Variants in NCAPH observed in about 807,000 individuals in gnomAD.
NCAPH encodes non-SMC condensin I complex subunit H.
NCAPH carries 38 observed loss-of-function variants against 85.5 expected under a neutral mutation model. The ratio of observed to expected loss-of-function variants is 0.44; its 90% CI spans 0.34 to 0.58. The LOEUF (loss-of-function observed/expected upper bound fraction) is 0.58, where lower values mean the gene tolerates loss of function less well. Among genes scored for constraint, NCAPH ranks in the 20% least tolerant of loss-of-function variants. The pLI is 0.01. For missense variants in NCAPH, 789 were observed against 916.6 expected (o/e 0.86, Z 1.80); for synonymous variants, 301 against 335.1 (o/e 0.90, Z 1.11).
At position 96,376,999 on chromosome 2, in the gene NCAPH, C is replaced by T. The variant is rs1331230698; in HGVS notation, c.*3648C>T. 6.6e-6 allele frequency among the ~76,000 whole-genome samples: 1 copy of T among 151,940 alleles called. No individual in the cohort carries two copies. On this transcript the variant is annotated 3_prime_UTR_variant, in exon 18 of 18. Coordinates refer to ENST00000240423, the MANE Select transcript of NCAPH (RefSeq NM_015341.5). ...TGATGTGCTTATTTCACATTGCATG[C>T]CTGTATCAAAATATCTCATGTACCC...
Position 96,375,759 on chromosome 2 carries a change from G to A in NCAPH, c.*2408G>A, listed in dbSNP as rs1223894729. Among the ~76,000 whole-genome samples, 10 of 152,122 alleles carry A rather than the reference G, an allele frequency of 6.6e-5. No individual in the cohort carries two copies. The South Asian group carries it at 1.2e-3, about 19-fold the overall frequency. Reference sequence around the variant, plus strand: ...CAGTTCCATGAAATTATGAGAGACCGGGGATCCTTCCAGCTCATCCTTCTG... The same window carrying A: ...CAGTTCCATGAAATTATGAGAGACCAGGGATCCTTCCAGCTCATCCTTCTG... On this transcript the variant is annotated 3_prime_UTR_variant, in exon 18 of 18. Coordinates refer to ENST00000240423, the MANE Select transcript of NCAPH (RefSeq NM_015341.5).
rs1374119662 is a variant in NCAPH, at chr2:96,375,134, G to T, written c.*1783G>T. On this transcript the variant is annotated 3_prime_UTR_variant, in exon 18 of 18. Coordinates refer to ENST00000240423, the MANE Select transcript of NCAPH (RefSeq NM_015341.5). ...GAGGTGGGATAATCACTTGAGCCCAGGAGTTTGAGGCTGCAGTGAGCTGTG... is the reference window on the plus strand; with the variant it reads ...GAGGTGGGATAATCACTTGAGCCCATGAGTTTGAGGCTGCAGTGAGCTGTG... 6.6e-6 allele frequency among the ~76,000 whole-genome samples: 1 copy of T among 152,112 alleles called. No homozygotes were observed. Among genetic ancestry groups the T allele is most frequent in the African/African-American group, 2.4e-5 (1 of 41,406 alleles).
In NCAPH at chr2:96,341,742, G is replaced by A. The variant is rs781186987; in HGVS notation, c.120G>A (p.Arg40=). 1.2e-6 allele frequency: 2 copies of A among 1,614,052 alleles called. No individual in the cohort carries two copies. The highest frequency in any genetic ancestry group is 1.7e-6 in the Non-Finnish European group (2 of 1,180,042). The change falls in exon 2 of 18, where the codon AGG becomes AGA. Residue 40 remains arginine, a synonymous_variant. Coordinates refer to ENST00000240423, the MANE Select transcript of NCAPH (RefSeq NM_015341.5). ...GTGTGTTCCCGATGCCCCTGCCCAG[G>A]AAGGCGCCTCTCAATATTCCTGGCA... The part of the protein sequence containing the change: ...SERVFPMPLP[R]KAPLNIPGTP...
chr2:96,360,107 A>C (rs753875101), intron 10 of NCAPH, 36 bp from the exon 11 acceptor site: 5 of 1,198,088 alleles, frequency 4.2e-6, no homozygotes, highest in Non-Finnish European at 1.2e-6. Context: ...TTTAGGCCAC[A>C]GAAGTGAAGT....
In NCAPH at chr2:96,373,282, C is replaced by G; in HGVS notation, c.2167-10C>G. Reference sequence around the variant, plus strand: ...TACCAAAGTCCATGCATGTTTTGGTCTTCCCTCAGAATCTAAAACTGGAAG... The same window carrying G: ...TACCAAAGTCCATGCATGTTTTGGTGTTCCCTCAGAATCTAAAACTGGAAG... On this transcript the variant is annotated splice_polypyrimidine_tract_variant and intron_variant, in intron 17 of 17. Coordinates refer to ENST00000240423, the MANE Select transcript of NCAPH (RefSeq NM_015341.5). The G allele has an allele frequency of 6.2e-7, 1 of 1,612,726 alleles. No individual in the cohort carries two copies. Among genetic ancestry groups the G allele is most frequent in the Non-Finnish European group, 8.5e-7 (1 of 1,178,860 alleles).
chr2:96,372,442 A>G (rs975451431), intron 17 of NCAPH, among the ~76,000 whole-genome samples: 1 of 152,152 alleles, frequency 6.6e-6, no homozygotes, highest in East Asian at 1.9e-4. Flanking sequence ...CCCTGTTTCC[A>G]CAATTTCACT....
At chr2:96,350,477 TTAGGTATTTTTAGGATGGGGAAAAAAAA>T (rs1390986928) in intron 6 of NCAPH, among the ~76,000 whole-genome samples, 1 of 152,072 alleles carries the variant, frequency 6.6e-6, no homozygotes, top group Non-Finnish European at 1.5e-5. Context: ...TAACCTATTT[TTAGGTATTTTTAGGATGGGGAAAAAAAA>T]TAGGTATTTT....
At chr2:96,343,921 T>C (rs772200181) in intron 5 of NCAPH, among the ~76,000 whole-genome samples, 184 bp from the exon 6 acceptor site, 5 of 152,098 alleles carry the variant, frequency 3.3e-5, no homozygotes, top group Admixed American at 6.6e-5. Flanking sequence ...AGGCTGGTCT[T>C]GAACTCCTGA....
chr2:96,362,806 T>C (rs1198750117), intron 12 of NCAPH, among the ~76,000 whole-genome samples: 1 of 152,230 alleles, frequency 6.6e-6, no homozygotes, highest in Non-Finnish European at 1.5e-5. Flanking sequence ...GAACATTTTC[T>C]TGAGATGGAA....
Position 96,367,918 on chromosome 2 carries a change from G to A in NCAPH, c.1998+545G>A, listed in dbSNP as rs114071349. 3.2e-3 allele frequency among the ~76,000 whole-genome samples: 495 copies of A among 152,334 alleles called. 3 individuals carry two copies. Among genetic ancestry groups the A allele is most frequent in the African/African-American group, 0.011 (468 of 41,566 alleles). On this transcript the variant is annotated intron_variant, in intron 15 of 17. Coordinates refer to ENST00000240423, the MANE Select transcript of NCAPH (RefSeq NM_015341.5). ...TTATTCACTGCTGGTAGCAATTTAA[G>A]TTGCTCTATGCTATGAAATGTTTAA... is the stretch of plus-strand genomic sequence containing the variant.
intron 14 of NCAPH, among the ~76,000 whole-genome samples, chr2:96,366,824 C>T (rs1457629369): frequency 7.1e-6 from 1 of 141,212 alleles, no homozygotes; most frequent in African/African-American, 2.7e-5. Flanking sequence ...TTGCAGTAAG[C>T]TGAGATCATG....
intron 12 of NCAPH, among the ~76,000 whole-genome samples, chr2:96,362,945 C>A (rs2064646927): frequency 6.6e-6 from 1 of 152,176 alleles, no homozygotes; most frequent in Non-Finnish European, 1.5e-5. Context: ...TTGAAAGAAG[C>A]TCCGCTATGG....
At chr2:96,351,681 A>G in intron 6 of NCAPH, 150 bp from the exon 7 acceptor site, 1 of 659,038 alleles carries the variant, frequency 1.5e-6, no homozygotes, top group Non-Finnish European at 2.4e-6. Flanking sequence ...AAAAAAAAAA[A>G]AAAACAAAAA....
intron 17 of NCAPH, among the ~76,000 whole-genome samples, chr2:96,371,109 A>G (rs979415236): frequency 1.3e-5 from 2 of 152,228 alleles, no homozygotes; most frequent in Non-Finnish European, 2.9e-5. Context: ...TTGTTCTGAC[A>G]AGAAATCTAC....
Position 96,344,178 on chromosome 2 carries a change from T to G in NCAPH, c.669T>G (p.Ile223Met). 1 of 1,613,702 alleles carries G rather than the reference T, an allele frequency of 6.2e-7. No individual in the cohort carries two copies. Among genetic ancestry groups the G allele is most frequent in the East Asian group, 2.2e-5 (1 of 44,862 alleles). ...AGAAGAAGCACTTACACAGAACTAT[T>G]GAGCAGAACATAAACAACCTCAATG... ...KPKKKHLHRT[I>M]EQNINNLNVS... Residue 223 changes from isoleucine to methionine, a missense_variant, in exon 6 of 18, where the codon ATT becomes ATG. Physicochemically the swap from Ile to Met is conservative, Grantham distance 10. Transcript: ENST00000240423.
intron 9 of NCAPH, 73 bp from the exon 10 acceptor site, chr2:96,358,972 C>A: frequency 2.1e-6 from 3 of 1,415,734 alleles, no homozygotes; most frequent in Middle Eastern, 1.8e-4. Flanking sequence ...AGCTCATTTG[C>A]GGACATATGC....
chr2:96,354,913 G>C (rs1172244142), intron 9 of NCAPH, among the ~76,000 whole-genome samples: 1 of 152,182 alleles, frequency 6.6e-6, no homozygotes, highest in African/African-American at 2.4e-5. Flanking sequence ...GTAGCAGAGA[G>C]CATGCTCCCT....
chr2:96,366,402 G>T (rs2064699926), intron 14 of NCAPH, among the ~76,000 whole-genome samples: 1 of 152,234 alleles, frequency 6.6e-6, no homozygotes, highest in Non-Finnish European at 1.5e-5. Context: ...GCCAAATTCA[G>T]TTTGTATTAA....
chr2:96,367,455 T>A, intron 15 of NCAPH, 82 bp downstream of exon 15: 1 of 958,844 alleles, frequency 1.0e-6, no homozygotes, highest in Admixed American at 2.0e-5. Flanking sequence ...ACACCTCGAT[T>A]TGGGCAATGC....
Sources: gnomAD v4.1 joint callset for allele counts (sites outside exome capture counted in the v4.1 genomes callset) on GRCh38, gnomAD v4.1.1 for gene constraint, MANE v1.5 for transcripts, NCBI Gene and HGNC (gene_info 2026-07-23, HGNC 2026-07-21) for gene names.